The following PPM1H variants were observed in gnomAD, a reference collection of about 807,000 sequenced individuals.
PPM1H encodes protein phosphatase, Mg2+/Mn2+ dependent 1H, also known as protein phosphatase 1H.
A neutral mutation model predicts 54.9 loss-of-function variants in PPM1H; 27 were observed. The ratio of observed to expected loss-of-function variants is 0.49; its 90% CI spans 0.36 to 0.68. The LOEUF (loss-of-function observed/expected upper bound fraction) is 0.68, where lower values mean the gene tolerates loss of function less well. Ranked by LOEUF, PPM1H falls within the 30% of genes least tolerant of loss-of-function variation. The pLI, the probability that PPM1H is intolerant of heterozygous loss-of-function variation, is 0.00. For missense variants in PPM1H, 596 were observed against 667.8 expected (o/e 0.89, Z 1.19); for synonymous variants, 305 against 270.8 (o/e 1.13, Z -1.24).
At chr12:62,829,896 G>A (rs1468757426) in intron 2 of PPM1H, among the ~76,000 whole-genome samples, 1 of 152,188 alleles carries the variant, frequency 6.6e-6, no homozygotes, top group East Asian at 1.9e-4. Context: ...CAGGGGCAGG[G>A]GGAAAATATC....
intron 2 of PPM1H, among the ~76,000 whole-genome samples, chr12:62,826,886 T>TA (rs1868297237): frequency 2.0e-5 from 3 of 152,318 alleles, no homozygotes; most frequent in South Asian, 2.1e-4. Flanking sequence ...CTTATAACAT[T>TA]ATATGTCCAC....
chr12:62,899,688 G>A (rs563661661), intron 1 of PPM1H, among the ~76,000 whole-genome samples: 1 of 152,258 alleles, frequency 6.6e-6, no homozygotes, highest in African/African-American at 2.4e-5. Flanking sequence ...AAACACAACT[G>A]AACTCAACTG....
intron 4 of PPM1H, among the ~76,000 whole-genome samples, chr12:62,741,792 C>T (rs753653382): frequency 2.0e-5 from 3 of 152,080 alleles, no homozygotes; most frequent in Non-Finnish European, 2.9e-5. Context: ...ACGTGCCAGA[C>T]GTGCAACAAT....
chr12:62,732,053 C>G (rs2076323927), intron 5 of PPM1H, among the ~76,000 whole-genome samples: 1 of 152,154 alleles, frequency 6.6e-6, no homozygotes, highest in African/African-American at 2.4e-5. Context: ...ATTTCAATCA[C>G]CATGGAGACC....
rs183332585 is a variant in PPM1H, at chr12:62,777,761, T to A, written c.869+10465A>T. Reference sequence around the variant, plus strand: ...AATCTTTACAACATAACTATGACAATTTAAAAATAACCACCAAAGAACAGA... The same window carrying A: ...AATCTTTACAACATAACTATGACAAATTAAAAATAACCACCAAAGAACAGA... On this transcript the variant is annotated intron_variant, in intron 4 of 9. Coordinates refer to ENST00000228705, the MANE Select transcript of PPM1H (RefSeq NM_020700.2). Among the ~76,000 whole-genome samples, 682 of 152,296 alleles carry A rather than the reference T, an allele frequency of 4.5e-3. 27 individuals carry two copies. The highest frequency in any genetic ancestry group is 0.041 in the Admixed American group (632 of 15,302).
intron 1 of PPM1H, among the ~76,000 whole-genome samples, chr12:62,873,107 A>C (rs1367855855): frequency 6.6e-6 from 1 of 152,084 alleles, no homozygotes; most frequent in Non-Finnish European, 1.5e-5. Context: ...CAGGGTTAGG[A>C]CTCTATTTTG....
chr12:62,675,364 T>C (rs1394198907), intron 8 of PPM1H, among the ~76,000 whole-genome samples: 1 of 152,240 alleles, frequency 6.6e-6, no homozygotes, highest in African/African-American at 2.4e-5. Context: ...TCTCTGGGTT[T>C]CCAATGGTTT....
intron 2 of PPM1H, among the ~76,000 whole-genome samples, chr12:62,827,489 G>T (rs1034777340): frequency 1.3e-5 from 2 of 152,046 alleles, no homozygotes; most frequent in African/African-American, 4.8e-5. Flanking sequence ...CCTTCCCACT[G>T]CCATCACTGT....
chr12:62,717,759 T>C (rs2076243655), intron 6 of PPM1H, among the ~76,000 whole-genome samples: 2 of 152,172 alleles, frequency 1.3e-5, no homozygotes, highest in African/African-American at 4.8e-5. Context: ...ACATTCTACT[T>C]ACAAAGAGAG....
chr12:62,789,536 C>G (rs1013629820), intron 3 of PPM1H, among the ~76,000 whole-genome samples: 1 of 152,210 alleles, frequency 6.6e-6, no homozygotes, highest in Non-Finnish European at 1.5e-5. Flanking sequence ...CTGACTTTTC[C>G]TCTTCCCACA....
At chr12:62,678,071 C>A (rs1204566638) in intron 8 of PPM1H, among the ~76,000 whole-genome samples, 1 of 152,136 alleles carries the variant, frequency 6.6e-6, no homozygotes, top group Non-Finnish European at 1.5e-5. Flanking sequence ...CTCAGCCTCC[C>A]AAGAAGCTGG....
At chr12:62,868,506 A>G (rs377123786) in intron 1 of PPM1H, among the ~76,000 whole-genome samples, 11 of 152,292 alleles carry the variant, frequency 7.2e-5, no homozygotes, top group East Asian at 5.8e-4. Flanking sequence ...TTTAAAAACA[A>G]GGACGGCATC....
intron 4 of PPM1H, among the ~76,000 whole-genome samples, chr12:62,769,806 T>C (rs2076567475): frequency 6.6e-6 from 1 of 152,108 alleles, no homozygotes. Flanking sequence ...GGTGCCTTTC[T>C]CCAAAGATGA....
At chr12:62,773,386 G>A (rs912610523) in intron 4 of PPM1H, among the ~76,000 whole-genome samples, 5 of 152,082 alleles carry the variant, frequency 3.3e-5, no homozygotes, top group Non-Finnish European at 7.4e-5. Context: ...GAGGTGGAAG[G>A]ATCACTTGAA....
chr12:62,682,093 C>T (rs1592540368), intron 8 of PPM1H, among the ~76,000 whole-genome samples: 1 of 152,336 alleles, frequency 6.6e-6, no homozygotes, highest in Non-Finnish European at 1.5e-5. Context: ...TTTTAACCAC[C>T]ATATTATATG....
intron 8 of PPM1H, among the ~76,000 whole-genome samples, chr12:62,682,253 A>G (rs1030533115): frequency 1.3e-4 from 20 of 152,182 alleles, no homozygotes; most frequent in African/African-American, 4.8e-4. Flanking sequence ...CTCTCTTTGT[A>G]TGAACAATCA....
rs762157400 is a variant in PPM1H, at chr12:62,667,304, T to A, written c.1271A>T (p.Tyr424Phe). The change falls in exon 9 of 10, where the codon TAT becomes TTT. Residue 424 changes from tyrosine to phenylalanine, a missense_variant. Tyr to Phe is a conservative substitution (Grantham distance 22). Coordinates refer to ENST00000228705, the MANE Select transcript of PPM1H (RefSeq NM_020700.2). ...CAGCACATCATCTGATCCATGATCA[T>A]ATTTTGAAAGATCGTAGATTCTTAC... ...PEVRIYDLSK[Y>F]DHGSDDVLIL... 3 of 1,602,152 alleles carry A rather than the reference T, an allele frequency of 1.9e-6. No homozygotes were observed. The Admixed American group carries it at 5.2e-5, about 28-fold the overall frequency.
chr12:62,876,626 T>C (rs1369582842), intron 1 of PPM1H, among the ~76,000 whole-genome samples: 1 of 152,122 alleles, frequency 6.6e-6, no homozygotes, highest in East Asian at 1.9e-4. Context: ...GTATGTACAG[T>C]ATAGGTCCCC....
chr12:62,666,826 G>T (rs2075920473), intron 9 of PPM1H, among the ~76,000 whole-genome samples: 3 of 152,070 alleles, frequency 2.0e-5, no homozygotes, highest in African/African-American at 7.2e-5. Flanking sequence ...CAATTCTCCT[G>T]CCTCTGCCTC....
Sources: gnomAD v4.1 joint callset for allele counts (sites outside exome capture counted in the v4.1 genomes callset) on GRCh38, gnomAD v4.1.1 for gene constraint, MANE v1.5 for transcripts, NCBI Gene and HGNC (gene_info 2026-07-23, HGNC 2026-07-21) for gene names.